The following USP15 variants were observed in gnomAD, a reference collection of about 807,000 sequenced individuals.
USP15 encodes the protein ubiquitin carboxyl-terminal hydrolase 15.
A neutral mutation model predicts 127.1 loss-of-function variants in USP15; 18 were observed. The ratio of observed to expected loss-of-function variants is 0.14; its 90% CI spans 0.10 to 0.21. USP15 has a LOEUF of 0.21. USP15 is among the 10% of genes least tolerant of loss of function. The pLI, the probability that USP15 is intolerant of heterozygous loss-of-function variation, is 1.00. For synonymous variants in USP15, 364 were observed against 393.7 expected (o/e 0.92, Z 0.89); for missense variants, 805 against 1,159.9 (o/e 0.69, Z 4.44).
At chr12:62,353,378 C>A (rs1429858786) in intron 7 of USP15, among the ~76,000 whole-genome samples, 1 of 151,968 alleles carries the variant, frequency 6.6e-6, no homozygotes, top group African/African-American at 2.4e-5. Flanking sequence ...AGTAGAGCTT[C>A]CAGCATCCCT....
At chr12:62,328,734 A>G (rs1369964033) in intron 6 of USP15, among the ~76,000 whole-genome samples, 1 of 152,192 alleles carries the variant, frequency 6.6e-6, no homozygotes, top group Non-Finnish European at 1.5e-5. Flanking sequence ...CAGTTTTGAC[A>G]GAAAGAGGAA....
intron 8 of USP15, among the ~76,000 whole-genome samples, chr12:62,365,291 T>C (rs1303922722): frequency 6.6e-6 from 1 of 152,202 alleles, no homozygotes; most frequent in Non-Finnish European, 1.5e-5. Flanking sequence ...TTGATTTGCA[T>C]TTCTCTAATG....
At chr12:62,266,094 T>C (rs1025204431) in intron 1 of USP15, among the ~76,000 whole-genome samples, 1 of 152,210 alleles carries the variant, frequency 6.6e-6, no homozygotes, top group Non-Finnish European at 1.5e-5. Flanking sequence ...AGAGCAAATG[T>C]CATTTTGATC....
chr12:62,310,577 C>G (rs183501651), intron 3 of USP15, among the ~76,000 whole-genome samples: 1 of 151,816 alleles, frequency 6.6e-6, no homozygotes, highest in South Asian at 2.1e-4. Context: ...TTTGTAATGG[C>G]GGAATAGTAC....
chr12:62,286,444 C>T (rs1473087044), intron 1 of USP15, among the ~76,000 whole-genome samples: 1 of 152,084 alleles, frequency 6.6e-6, no homozygotes, highest in Non-Finnish European at 1.5e-5. Flanking sequence ...ATTAGTTCAG[C>T]CCCTGTGGAA....
chr12:62,329,868 A>G (rs1290191094), intron 6 of USP15, among the ~76,000 whole-genome samples: 13 of 152,342 alleles, frequency 8.5e-5, no homozygotes, highest in African/African-American at 1.9e-4. Context: ...AAACCAGTCA[A>G]TAATTAAATC....
At position 62,294,165 on chromosome 12, in the gene USP15, C is replaced by A. The variant is rs1300587069; in HGVS notation, c.90-14C>A. 6.2e-7 allele frequency: 1 copy of A among 1,608,576 alleles called. No homozygotes were observed. Among genetic ancestry groups the A allele is most frequent in the Admixed American group, 1.7e-5 (1 of 58,234 alleles). On this transcript the variant is annotated splice_polypyrimidine_tract_variant and intron_variant, in intron 1 of 21. Coordinates refer to ENST00000280377, the MANE Select transcript of USP15 (RefSeq NM_001252078.2). ...TTCAGGTATTTTCCTTAACCAATTT[C>A]TTTTATTTTTTAGGTACCTAGTCGA...
chr12:62,308,432 G>A (rs1236230338), intron 3 of USP15, among the ~76,000 whole-genome samples: 1 of 152,002 alleles, frequency 6.6e-6, no homozygotes, highest in Non-Finnish European at 1.5e-5. Flanking sequence ...AGAAGTGGTG[G>A]TATGTCACTT....
chr12:62,350,093 G>A (rs1213077284), intron 7 of USP15, among the ~76,000 whole-genome samples: 1 of 151,254 alleles, frequency 6.6e-6, no homozygotes, highest in Non-Finnish European at 1.5e-5. Context: ...TAACATATTA[G>A]TATTAGATAT....
intron 9 of USP15, among the ~76,000 whole-genome samples, chr12:62,383,476 G>A (rs2067050969): frequency 6.6e-6 from 1 of 151,854 alleles, no homozygotes; most frequent in Non-Finnish European, 1.5e-5. Context: ...TGGCATGTTT[G>A]TACTTCATTT....
intron 11 of USP15, among the ~76,000 whole-genome samples, chr12:62,387,801 CTT>C (rs1344235927): frequency 6.6e-6 from 1 of 152,064 alleles, no homozygotes; most frequent in African/African-American, 2.4e-5. Flanking sequence ...TTTTGAGAGA[CTT>C]TATATTCCAA....
chr12:62,366,165 A>T (rs576601139), intron 8 of USP15, among the ~76,000 whole-genome samples: 1 of 152,318 alleles, frequency 6.6e-6, no homozygotes, highest in African/African-American at 2.4e-5. Flanking sequence ...CACAGTATTG[A>T]TTCTTCCTAT....
At chr12:62,286,960 A>G (rs1259058061) in intron 1 of USP15, among the ~76,000 whole-genome samples, 1 of 151,706 alleles carries the variant, frequency 6.6e-6, no homozygotes, top group Non-Finnish European at 1.5e-5. Context: ...AAAGTGATAC[A>G]TATATACCAT....
intron 1 of USP15, among the ~76,000 whole-genome samples, chr12:62,274,458 C>G (rs1032877016): frequency 6.7e-6 from 1 of 149,862 alleles, no homozygotes; most frequent in Non-Finnish European, 1.5e-5. Context: ...TCTCTGGTTT[C>G]CTCAAATTAG....
intron 5 of USP15, among the ~76,000 whole-genome samples, chr12:62,325,490 T>C (rs1339146429): frequency 6.6e-6 from 1 of 152,112 alleles, no homozygotes; most frequent in Non-Finnish European, 1.5e-5. Flanking sequence ...ACTGCAAACA[T>C]TTATTGACCA....
chr12:62,310,830 T>A (rs2064652026), intron 3 of USP15, among the ~76,000 whole-genome samples: 1 of 151,998 alleles, frequency 6.6e-6, no homozygotes, highest in Non-Finnish European at 1.5e-5. Flanking sequence ...GCTGTACTAG[T>A]TTACATTCCC....
At chr12:62,343,613 A>G (rs1464973709) in intron 6 of USP15, among the ~76,000 whole-genome samples, 1 of 152,208 alleles carries the variant, frequency 6.6e-6, no homozygotes, top group African/African-American at 2.4e-5. Context: ...CGGGCCAGGT[A>G]GCACAGTCCC....
At chr12:62,334,422 T>C (rs949049459) in intron 6 of USP15, among the ~76,000 whole-genome samples, 5 of 152,186 alleles carry the variant, frequency 3.3e-5, no homozygotes, top group Admixed American at 1.3e-4. Flanking sequence ...AAAATAGAGC[T>C]ATGAAAAACA....
At chr12:62,276,599 C>T (rs2063497276) in intron 1 of USP15, among the ~76,000 whole-genome samples, 1 of 151,964 alleles carries the variant, frequency 6.6e-6, no homozygotes, top group Admixed American at 6.6e-5. Context: ...CATTATTTTT[C>T]TGGCTTATTC....
Sources: gnomAD v4.1 joint callset for allele counts (sites outside exome capture counted in the v4.1 genomes callset) on GRCh38, gnomAD v4.1.1 for gene constraint, MANE v1.5 for transcripts, NCBI Gene and HGNC (gene_info 2026-07-23, HGNC 2026-07-21) for gene names.